Variants in PRRC2B observed in about 807,000 individuals in gnomAD.
PRRC2B encodes the protein protein PRRC2B.
In PRRC2B, 68 loss-of-function variants were observed where a neutral mutation model predicts 242.3. The ratio of observed to expected loss-of-function variants is 0.28; its 90% CI spans 0.23 to 0.34. The LOEUF (loss-of-function observed/expected upper bound fraction) is 0.34. Among genes scored for constraint, PRRC2B ranks in the 10% least tolerant of loss-of-function variants. PRRC2B has a pLI of 1.00. For synonymous variants in PRRC2B, 1,228 were observed against 1,173.6 expected (o/e 1.05, Z -0.95); for missense variants, 2,835 against 2,954.8 (o/e 0.96, Z 0.94).
intron 19 of PRRC2B, among the ~76,000 whole-genome samples, chr9:131,479,767 C>T (rs1034053452): frequency 3.9e-5 from 6 of 152,162 alleles, no homozygotes; most frequent in Non-Finnish European, 8.8e-5. Flanking sequence ...AGACCAGCCG[C>T]AAGAGTTCAG....
In PRRC2B at chr9:131,484,700, G is replaced by C. The variant is rs201888302; in HGVS notation, c.5475G>C (p.Gln1825His). Reference protein sequence around the residue: ...DALASNAGLTQSIPILRRDHH... With the variant: ...DALASNAGLTHSIPILRRDHH... ...CTCCTCTCCAGGCAGGGTTAACACA[G>C]AGTATCCCCATCCTGCGGCGGGACC... The change falls in exon 24 of 32, where the codon CAG (glutamine) becomes CAC (histidine). Residue 1825 changes from glutamine to histidine, a missense_variant. Coordinates refer to ENST00000683519, the MANE Select transcript of PRRC2B (RefSeq NM_013318.4). 12 of 1,611,462 alleles carry C rather than the reference G, an allele frequency of 7.4e-6. No homozygotes were observed. Among genetic ancestry groups the C allele is most frequent in the Non-Finnish European group, 1.0e-5 (12 of 1,178,756 alleles).
In PRRC2B at chr9:131,430,107, C is replaced by T; in HGVS notation, c.-38C>T. ...TTTCAAAGGCAGATCGGGAGCGGTG[C>T]CGAGAAAAATTTCCTTACTAGATGA... On this transcript the variant is annotated 5_prime_UTR_variant, in exon 2 of 32. Coordinates refer to ENST00000683519, the MANE Select transcript of PRRC2B (RefSeq NM_013318.4). 8.4e-7 allele frequency: 1 copy of T among 1,189,134 alleles called. No homozygotes were observed. Among genetic ancestry groups the T allele is most frequent in the South Asian group, 1.3e-5 (1 of 75,060 alleles). The allele number at this position is 1,189,134 out of a possible 1,614,324, so 73.7% of individuals were successfully genotyped here. A position where few individuals can be genotyped will look rare whatever the true frequency, so the allele number is the denominator to read the frequency against.
At position 131,421,244 on chromosome 9, in the gene PRRC2B, A is replaced by AC. The variant is rs533020723; in HGVS notation, c.-51-8849dup. On this transcript the variant is annotated intron_variant, in intron 1 of 31. Coordinates refer to ENST00000683519, the MANE Select transcript of PRRC2B (RefSeq NM_013318.4). ...CTCCATGTCCCCAGCACCAAGTGAC[A>AC]CAGGGTCTGGCACACACATTGGTCA... 1.8e-4 allele frequency among the ~76,000 whole-genome samples: 27 copies of AC among 152,334 alleles called. No individual in the cohort carries two copies. In the South Asian group the frequency reaches 3.5e-3, roughly 20 times the overall value.
At chr9:131,486,625 C>A in intron 26 of PRRC2B, 1 of 812,388 alleles carries the variant, frequency 1.2e-6, no homozygotes, top group Non-Finnish European at 1.5e-6. Flanking sequence ...TTTTGGAAGT[C>A]TCCCCTCTAA....
chr9:131,478,860 G>A (rs1943780280), intron 18 of PRRC2B, among the ~76,000 whole-genome samples: 1 of 152,164 alleles, frequency 6.6e-6, no homozygotes, highest in Non-Finnish European at 1.5e-5. Flanking sequence ...TCTTGAAGAG[G>A]GTGACTTCTC....
chr9:131,397,019 C>T (rs1837079485), intron 1 of PRRC2B, among the ~76,000 whole-genome samples: 1 of 152,146 alleles, frequency 6.6e-6, no homozygotes, highest in African/African-American at 2.4e-5. Context: ...TAAAATGTGG[C>T]ACCCCCTCCA....
At chr9:131,495,297 G>T (rs1184060616) in intron 31 of PRRC2B, among the ~76,000 whole-genome samples, 1 of 152,126 alleles carries the variant, frequency 6.6e-6, no homozygotes, top group Non-Finnish European at 1.5e-5. Flanking sequence ...AGAGATCTGT[G>T]GGGGCCAAGT....
rs72492020 is a variant in PRRC2B, at chr9:131,399,276, CAAAAAAAAA to C, written c.-52+5026_-52+5034del. ...TGGGAGACAGAGTGAAATTCTGTCT[CAAAAAAAAA>C]AAAAAAAAAAAAGTCTGGGCACGGT... is the stretch of plus-strand genomic sequence containing the variant. On this transcript the variant is annotated intron_variant, in intron 1 of 31. Coordinates refer to ENST00000683519, the MANE Select transcript of PRRC2B (RefSeq NM_013318.4). 2.3e-4 allele frequency among the ~76,000 whole-genome samples: 10 copies of C among 44,236 alleles called. No homozygotes were observed. In the East Asian group the frequency reaches 6.0e-3, roughly 27 times the overall value. The allele number at this position is 44,236 out of a possible 152,430, so 29.0% of individuals were successfully genotyped here. A position where few individuals can be genotyped will look rare whatever the true frequency, so the allele number is the denominator to read the frequency against.
chr9:131,380,565 C>G (rs1836743191), intron 1 of PRRC2B, among the ~76,000 whole-genome samples: 2 of 145,404 alleles, frequency 1.4e-5, no homozygotes, highest in Admixed American at 1.4e-4. Flanking sequence ...CAAAACAGAG[C>G]AAAAACTCCG....
In PRRC2B at chr9:131,420,493, C is replaced by CTTTTCTTTCT. The variant is rs1554758636; in HGVS notation, c.-51-9597_-51-9596insCTTTCTTTTT. On this transcript the variant is annotated intron_variant, in intron 1 of 31. Coordinates refer to ENST00000683519, the MANE Select transcript of PRRC2B (RefSeq NM_013318.4). ...TCTTTCTTTCTTTCTTTCTTTCTTT[C>CTTTTCTTTCT]TTTTTTTTTTTTTTTTTGAGATGGA... Among the ~76,000 whole-genome samples, 24 of 30,180 alleles carry CTTTTCTTTCT rather than the reference C, an allele frequency of 8.0e-4. 3 individuals are homozygous for CTTTTCTTTCT. The highest frequency in any genetic ancestry group is 2.6e-3 in the African/African-American group (24 of 9,264). The allele number at this position is 30,180 out of a possible 152,430, so 19.8% of individuals were successfully genotyped here. A position where few individuals can be genotyped will look rare whatever the true frequency, so the allele number is the denominator to read the frequency against.
Position 131,475,928 on chromosome 9 carries a change from G to A in PRRC2B, c.3799G>A (p.Gly1267Ser), listed in dbSNP as rs1159057321. Residue 1267 changes from glycine to serine, a missense_variant, in exon 16 of 32, where the codon GGT (glycine) becomes AGT (serine). This residue lies in a region of PRRC2B where 1,536 missense variants were observed against 1,483.1 expected (regional missense o/e 1.04). Transcript: ENST00000683519. ...TTCCTACAGACACCCTGACGCATTT[G>A]GTGGCCGGGGCTTTGAGGACAGCCG... is the stretch of plus-strand genomic sequence containing the variant. ...PDSYRHPDAF[G>S]GRGFEDSRAE... 2.5e-6 allele frequency: 4 copies of A among 1,613,774 alleles called. No homozygotes were observed. The Admixed American group carries it at 6.7e-5, about 27-fold the overall frequency.
intron 4 of PRRC2B, among the ~76,000 whole-genome samples, chr9:131,438,157 C>T (rs534022946): frequency 1.3e-5 from 2 of 152,266 alleles, no homozygotes; most frequent in African/African-American, 2.4e-5. Flanking sequence ...CACAAAGCAG[C>T]AGCTTTGTTT....
At chr9:131,444,907 GGTTA>G (rs1283940343) in intron 6 of PRRC2B, among the ~76,000 whole-genome samples, 10 of 152,210 alleles carry the variant, frequency 6.6e-5, no homozygotes, top group African/African-American at 2.2e-4. Context: ...GGTGGCTGGA[GGTTA>G]AGGTGGTGTT....
chr9:131,445,096 G>A (rs144558195), intron 6 of PRRC2B, among the ~76,000 whole-genome samples: 181 of 152,060 alleles, frequency 1.2e-3, no homozygotes, highest in African/African-American at 4.2e-3. Flanking sequence ...GATCACTGTG[G>A]ATGTGTCTTA....
chr9:131,398,389 A>G (rs762655172), intron 1 of PRRC2B, among the ~76,000 whole-genome samples: 2 of 152,250 alleles, frequency 1.3e-5, no homozygotes, highest in African/African-American at 2.4e-5. Flanking sequence ...AGGTGCTGGC[A>G]GCAGCACTGA....
chr9:131,465,614 G>A (rs1050179388), intron 12 of PRRC2B, among the ~76,000 whole-genome samples: 2 of 152,286 alleles, frequency 1.3e-5, no homozygotes, highest in East Asian at 1.9e-4. Flanking sequence ...TCAAAGACAC[G>A]TGTGCTCTAG....
At chr9:131,410,460 G>T (rs1163538339) in intron 1 of PRRC2B, among the ~76,000 whole-genome samples, 1 of 152,196 alleles carries the variant, frequency 6.6e-6, no homozygotes, top group East Asian at 1.9e-4. Context: ...CCATTCTCTG[G>T]GGCCCACCGC....
At chr9:131,407,456 G>A (rs955527020) in intron 1 of PRRC2B, among the ~76,000 whole-genome samples, 7 of 152,086 alleles carry the variant, frequency 4.6e-5, no homozygotes, top group Admixed American at 6.5e-5. Context: ...ACAGCTTGGC[G>A]TACCTGGGAA....
chr9:131,377,951 T>G (rs1383659600), intron 1 of PRRC2B, among the ~76,000 whole-genome samples: 1 of 152,120 alleles, frequency 6.6e-6, no homozygotes, highest in Non-Finnish European at 1.5e-5. Context: ...AAATGGCATT[T>G]CCCTCTGTTG....
Sources: allele counts gnomAD v4.1 joint callset (sites outside exome capture counted in the v4.1 genomes callset), GRCh38; gene constraint gnomAD v4.1.1; regional missense constraint gnomAD v4.1.1; transcripts MANE v1.5; gene names NCBI Gene and HGNC (gene_info 2026-07-23, HGNC 2026-07-21).